Variants in PRDX2 observed in about 807,000 individuals in gnomAD.
The protein encoded by PRDX2 is peroxiredoxin 2.
Under a neutral mutation model 19.8 loss-of-function variants are expected in PRDX2, and 10 were observed. The observed-to-expected ratio is 0.50, with a 90% confidence interval of 0.31 to 0.86. The LOEUF is 0.86. Ranked by LOEUF, PRDX2 falls within the 40% of genes least tolerant of loss-of-function variation. The probability of loss-of-function intolerance (pLI) is 0.04; values close to 1 mark genes in which losing one functional copy is unlikely to be tolerated. For missense variants in PRDX2, 226 were observed against 260.1 expected (o/e 0.87, Z 0.90); for synonymous variants, 118 against 108.2 (o/e 1.09, Z -0.56).
chr19:12,800,819 C>T, intron 3 of PRDX2, 97 bp downstream of exon 3: 1 of 1,551,036 alleles, frequency 6.4e-7, no homozygotes, highest in Non-Finnish European at 8.7e-7. Flanking sequence ...TGGGGAAACG[C>T]AGGTTCCAGA....
At position 12,801,063 on chromosome 19, in the gene PRDX2, T is replaced by G. The variant is rs759342968; in HGVS notation, c.110A>C (p.Tyr37Ser). The G allele has an allele frequency of 6.2e-7, 1 of 1,610,896 alleles. No homozygotes were observed. Among genetic ancestry groups the G allele is most frequent in the Non-Finnish European group, 8.5e-7 (1 of 1,177,964 alleles). ...CAGAGGGTAGAAAAAGAGGACCACG[T>G]ACTTCCCTGGGGAGGAGGGACACAG... Reference protein sequence around the residue: ...EVKLSDYKGKYVVLFFYPLDF... With the variant: ...EVKLSDYKGKSVVLFFYPLDF... Residue 37 changes from tyrosine (Y) to serine (S), a missense_variant, in exon 3 of 6, where the codon TAC becomes TCC. By Grantham distance (144) the Tyr-to-Ser change is moderately radical. Transcript: ENST00000301522.
intron 5 of PRDX2, among the ~76,000 whole-genome samples, chr19:12,798,525 A>G (rs1202302056): frequency 1.3e-5 from 2 of 150,656 alleles, no homozygotes; most frequent in Non-Finnish European, 3.0e-5. Context: ...CTAATTTTGT[A>G]TTTTTAGTAG....
chr19:12,800,132 G>T (rs781379618), intron 4 of PRDX2, 45 bp downstream of exon 4: 8 of 1,606,102 alleles, frequency 5.0e-6, no homozygotes, highest in East Asian at 4.5e-5. Flanking sequence ...TCACAGGAAT[G>T]GGGGGCAGGG....
chr19:12,801,146 G>C lies in PRDX2; in HGVS notation c.103+13C>G. On this transcript the variant is annotated intron_variant, in intron 2 of 5. Transcript: ENST00000301522. ...CCCCGCTTCTACCTGGGCCCCCTCC[G>C]GGCGGCGCTCACCTTTGTAGTCCGA... 1.2e-6 allele frequency: 2 copies of C among 1,613,898 alleles called. No homozygotes were observed. Among genetic ancestry groups the C allele is most frequent in the South Asian group, 2.2e-5 (2 of 91,078 alleles).
At chr19:12,801,397 C>T in intron 1 of PRDX2, 127 bp from the exon 2 acceptor site, 3 of 1,004,740 alleles carry the variant, frequency 3.0e-6, no homozygotes, top group Non-Finnish European at 4.5e-6. Context: ...CCTCACCCTC[C>T]CGGGTACCCG....
chr19:12,801,227 G>T lies in PRDX2; in HGVS notation c.35C>A (p.Ala12Asp), dbSNP rs374077252. The T allele has an allele frequency of 3.1e-6, 5 of 1,613,984 alleles. No individual in the cohort carries two copies. The highest frequency in any genetic ancestry group is 4.2e-6 in the Non-Finnish European group (5 of 1,180,006). Reference protein sequence around the residue: ...ASGNARIGKPAPDFKATAVVD... With the variant: ...ASGNARIGKPDPDFKATAVVD... ...CACCGCTGTGGCCTTGAAGTCAGGG[G>T]CTGGCTTTCCGATGCGCGCGTTACC... Residue 12 changes from alanine (A) to aspartate (D), a missense_variant, in exon 2 of 6, where the codon GCC becomes GAC. Transcript: ENST00000301522.
In PRDX2 at chr19:12,801,193, G is replaced by A; in HGVS notation, c.69C>T (p.Gly23=). The A allele has an allele frequency of 6.2e-7, 1 of 1,613,986 alleles. No homozygotes were observed. The highest frequency in any genetic ancestry group is 8.5e-7 in the Non-Finnish European group (1 of 1,180,018). Residue 23 remains glycine, a synonymous_variant, in exon 2 of 6, where the codon GGC becomes GGT. Coordinates refer to ENST00000301522, the MANE Select transcript of PRDX2 (RefSeq NM_005809.6). ...PDFKATAVVD[G]AFKEVKLSDY... ...CCGACAGCTTCACCTCTTTGAAGGC[G>A]CCATCAACCACCGCTGTGGCCTTGA... is the stretch of plus-strand genomic sequence containing the variant.
chr19:12,800,252 G>A lies in PRDX2; in HGVS notation c.305C>T (p.Pro102Leu). 2 of 1,613,728 alleles carry A rather than the reference G, an allele frequency of 1.2e-6. No individual in the cohort carries two copies. Among genetic ancestry groups the A allele is most frequent in the Non-Finnish European group, 1.7e-6 (2 of 1,179,910 alleles). The change falls in exon 4 of 6, where the codon CCC becomes CTC. Residue 102 changes from proline to leucine, a missense_variant. By Grantham distance (98) the Pro-to-Leu change is moderately conservative (BLOSUM62 -3). Coordinates refer to ENST00000301522, the MANE Select transcript of PRDX2 (RefSeq NM_005809.6). ...KEGGLGPLNIPLLADVTRRLS... is the reference protein window; with the variant it reads ...KEGGLGPLNILLLADVTRRLS... ...GCGTCTGGTCACGTCAGCAAGCAGGGGGATGTTCAGGGGGCCCAAGCCTCC... is the reference window on the plus strand; with the variant it reads ...GCGTCTGGTCACGTCAGCAAGCAGGAGGATGTTCAGGGGGCCCAAGCCTCC...
chr19:12,799,137 G>C (rs1262573085), intron 5 of PRDX2, among the ~76,000 whole-genome samples: 1 of 151,952 alleles, frequency 6.6e-6, no homozygotes, highest in Non-Finnish European at 1.5e-5. Flanking sequence ...CTGACCTCAT[G>C]ATCTGCCCGC....
In PRDX2 at chr19:12,799,948, A is replaced by T; in HGVS notation, c.422T>A (p.Ile141Asn). ...IIDGKGVLRQ[I>N]TVNDLPVGRS... ...TCCCACAGGCAAATCATTAACAGTG[A>T]TCTGGCGAAGGACACCCTTGCCATC... Residue 141 changes from isoleucine (I) to asparagine (N), a missense_variant, in exon 5 of 6, where the codon ATC becomes AAC. Ile to Asn is a moderately radical substitution (Grantham distance 149). Coordinates refer to ENST00000301522, the MANE Select transcript of PRDX2 (RefSeq NM_005809.6). 1 of 1,614,076 alleles carries T rather than the reference A, an allele frequency of 6.2e-7. No individual in the cohort carries two copies. The highest frequency in any genetic ancestry group is 8.5e-7 in the Non-Finnish European group (1 of 1,179,994).
chr19:12,800,161 G>C lies in PRDX2; in HGVS notation c.380+16C>G. 1 of 1,612,332 alleles carries C rather than the reference G, an allele frequency of 6.2e-7. No homozygotes were observed. The highest frequency in any genetic ancestry group is 8.5e-7 in the Non-Finnish European group (1 of 1,178,924). On this transcript the variant is annotated intron_variant, in intron 4 of 5. Transcript: ENST00000301522. The stretch of plus-strand genomic sequence containing the variant: ...GGCAGGGCGCTCCCTGAGCCGGGCT[G>C]AGGGTCCCACAGTACCTGTAGGCAA...
At chr19:12,801,125 G>T in intron 2 of PRDX2, 34 bp downstream of exon 2, 1 of 1,613,838 alleles carries the variant, frequency 6.2e-7, no homozygotes, top group South Asian at 1.1e-5. Flanking sequence ...GCACGGCCCC[G>T]CTTCTACCTG....
In PRDX2 at chr19:12,799,771, G is replaced by A. The variant is rs936110989; in HGVS notation, c.511+88C>T. On this transcript the variant is annotated intron_variant, in intron 5 of 5. Coordinates refer to ENST00000301522, the MANE Select transcript of PRDX2 (RefSeq NM_005809.6). The stretch of plus-strand genomic sequence containing the variant: ...TTCTTTGGGGCCCTAACACCCATCT[G>A]GACAGGTAAGAGGACAGGCAGTGAA... 5 of 1,528,682 alleles carry A rather than the reference G, an allele frequency of 3.3e-6. No homozygotes were observed. In the African/African-American group the frequency reaches 6.9e-5, roughly 21 times the overall value. 94.7% of individuals were successfully genotyped at this position (1,528,682 alleles called of 1,614,324 possible).
chr19:12,800,687 G>A lies in PRDX2; in HGVS notation c.257+229C>T. 4 of 1,460,508 alleles carry A rather than the reference G, an allele frequency of 2.7e-6. No homozygotes were observed. In the Admixed American group the frequency reaches 7.7e-5, roughly 28 times the overall value. The allele number at this position is 1,460,508 out of a possible 1,614,324, so 90.5% of individuals were successfully genotyped here. The stretch of plus-strand genomic sequence containing the variant: ...CCCTCCTGGGAACTAAGTACATAGA[G>A]TAGATAGAGTTGCATCTGAGTTGCA... On this transcript the variant is annotated intron_variant, in intron 3 of 5. Transcript: ENST00000301522.
rs35866106 is a variant in PRDX2 at position 12,797,277 on chromosome 19, C to T, written c.512-111G>A. 0.013 allele frequency: 10,716 copies of T among 827,896 alleles called. 138 individuals carry two copies. The highest frequency in any genetic ancestry group is 0.044 in the African/African-American group (2,561 of 58,456). 51.3% of individuals were successfully genotyped at this position (827,896 alleles called of 1,614,324 possible). A position where few individuals can be genotyped will look rare whatever the true frequency, so the allele number is the denominator to read the frequency against. On this transcript the variant is annotated intron_variant, in intron 5 of 5. Transcript: ENST00000301522. Reference sequence around the variant, plus strand: ...ATGCTGGAAGCAAGTGGTCCAGGCCCAGGAATGTGGATATTAAGATAAACC... The same window carrying T: ...ATGCTGGAAGCAAGTGGTCCAGGCCTAGGAATGTGGATATTAAGATAAACC...
At chr19:12,801,323 CCAAGG>C in intron 1 of PRDX2, 53 bp from the exon 2 acceptor site, 4 of 1,543,974 alleles carry the variant, frequency 2.6e-6, no homozygotes, top group Non-Finnish European at 3.5e-6. Context: ...TCCTCCCAAC[CCAAGG>C]TCGCGCTGCG....
In PRDX2 at chr19:12,798,358, T is replaced by A. The variant is rs1419052209; in HGVS notation, c.512-1192A>T. On this transcript the variant is annotated intron_variant, in intron 5 of 5. Coordinates refer to ENST00000301522, the MANE Select transcript of PRDX2 (RefSeq NM_005809.6). ...CCGTGCCCGGCCTCTTTTTTTTTTT[T>A]ATTTTTTGAGACGGAGTTTCGCTTC... is the stretch of plus-strand genomic sequence containing the variant. Among the ~76,000 whole-genome samples, 6 of 150,584 alleles carry A rather than the reference T, an allele frequency of 4.0e-5. No homozygotes were observed. The East Asian group carries it at 9.8e-4, about 25-fold the overall frequency.
intron 3 of PRDX2, 147 bp downstream of exon 3, chr19:12,800,769 C>G (rs1269282344): frequency 2.2e-5 from 34 of 1,541,460 alleles, no homozygotes; most frequent in Non-Finnish European, 2.7e-5. Flanking sequence ...TGTCATCATC[C>G]TTAAAGACTT....
rs756575660 is a variant in PRDX2 at position 12,801,220 on chromosome 19, G to A, written c.42C>T (p.Asp14=). ...GNARIGKPAP[D]FKATAVVDGA... ...CATCAACCACCGCTGTGGCCTTGAA[G>A]TCAGGGGCTGGCTTTCCGATGCGCG... The change falls in exon 2 of 6, where the codon GAC becomes GAT. Residue 14 remains aspartate, a synonymous_variant. Transcript: ENST00000301522. The A allele has an allele frequency of 4.3e-6, 7 of 1,613,952 alleles. No homozygotes were observed. The highest frequency in any genetic ancestry group is 1.3e-5 in the African/African-American group (1 of 74,928).
Sources: allele counts gnomAD v4.1 joint callset (sites outside exome capture counted in the v4.1 genomes callset), GRCh38; gene constraint gnomAD v4.1.1; transcripts MANE v1.5; gene names NCBI Gene and HGNC (gene_info 2026-07-23, HGNC 2026-07-21).